Variants in TTC7A observed in about 807,000 individuals in gnomAD.
TTC7A encodes tetratricopeptide repeat domain 7A, also known as tetratricopeptide repeat protein 7A.
Under a neutral mutation model 103.7 loss-of-function variants are expected in TTC7A, and 110 were observed. The observed-to-expected ratio is 1.06, with a 90% confidence interval of 0.91 to 1.24. The LOEUF is 1.24. TTC7A is among the 50% of genes most tolerant of loss of function. The pLI is 0.00. For synonymous variants in TTC7A, 521 were observed against 467.9 expected (o/e 1.11, Z -1.47); for missense variants, 1,340 against 1,116.3 (o/e 1.20, Z -2.86).
At chr2:46,967,418 C>T (rs1249373752) in intron 3 of TTC7A, among the ~76,000 whole-genome samples, 2 of 152,148 alleles carry the variant, frequency 1.3e-5, no homozygotes, top group Non-Finnish European at 2.9e-5. Context: ...CCCATTCCCT[C>T]CTCCCCTAAC....
Position 47,027,001 on chromosome 2 carries a change from G to T in TTC7A, c.1642-2223G>T, listed in dbSNP as rs531120257. On this transcript the variant is annotated intron_variant, in intron 14 of 19. Transcript: ENST00000319190. ...CGCGTGAACATGTTCAGAGGGGAGG[G>T]CCTCGTCAGCCCTGGGTATGTAGCT... Among the ~76,000 whole-genome samples the T allele has an allele frequency of 4.1e-3, 628 of 152,254 alleles. 4 individuals carry two copies. Among genetic ancestry groups the T allele is most frequent in the African/African-American group, 0.015 (617 of 41,550 alleles).
At chr2:46,992,705 C>T (rs1330790466) in intron 5 of TTC7A, among the ~76,000 whole-genome samples, 1 of 152,198 alleles carries the variant, frequency 6.6e-6, no homozygotes, top group Non-Finnish European at 1.5e-5. Context: ...ACATTGTGGG[C>T]CACAGCCTGT....
At chr2:47,063,274 A>G (rs572711631) in intron 19 of TTC7A, among the ~76,000 whole-genome samples, 121 of 152,322 alleles carry the variant, frequency 7.9e-4, no homozygotes, top group African/African-American at 2.8e-3. Context: ...GTGTTGTTCT[A>G]ATCAAATGAG....
At chr2:46,946,983 CCTT>C (rs1310230287) in intron 1 of TTC7A, among the ~76,000 whole-genome samples, 1 of 152,096 alleles carries the variant, frequency 6.6e-6, no homozygotes, top group African/African-American at 2.4e-5. Context: ...AGGCAGAAAG[CCTT>C]CTGTGAAGGA....
intron 3 of TTC7A, among the ~76,000 whole-genome samples, chr2:46,963,046 G>A (rs1410276113): frequency 6.6e-6 from 1 of 152,238 alleles, no homozygotes; most frequent in Non-Finnish European, 1.5e-5. Context: ...TCAGCAGCAG[G>A]CCTCAGGGCT....
chr2:46,920,380 A>T (rs759683180), intron 2 of TTC7A, among the ~76,000 whole-genome samples: 1 of 152,006 alleles, frequency 6.6e-6, no homozygotes, highest in Non-Finnish European at 1.5e-5. Flanking sequence ...CCCAGGCTGG[A>T]GTACAGTGGC....
intron 11 of TTC7A, among the ~76,000 whole-genome samples, chr2:47,019,373 T>TA (rs1558584922): frequency 3.3e-5 from 5 of 151,730 alleles, no homozygotes; most frequent in African/African-American, 4.9e-5. Flanking sequence ...TTTTCTATTT[T>TA]TAAAAAAAAA....
intron 16 of TTC7A, among the ~76,000 whole-genome samples, chr2:47,048,904 GTC>G (rs1682589632): frequency 6.6e-6 from 1 of 152,170 alleles, no homozygotes; most frequent in Admixed American, 6.5e-5. Context: ...TGCCTGGCCT[GTC>G]TCTGGCTTTT....
chr2:47,073,548 A>C (rs531916184), intron 19 of TTC7A, among the ~76,000 whole-genome samples, 154 bp from the exon 20 acceptor site: 1 of 152,196 alleles, frequency 6.6e-6, no homozygotes, highest in South Asian at 2.1e-4. Flanking sequence ...TGTATGGGGA[A>C]AGGCACAGTC....
chr2:46,947,236 A>G (rs529039256), intron 1 of TTC7A, among the ~76,000 whole-genome samples: 48 of 152,284 alleles, frequency 3.2e-4, no homozygotes, highest in Non-Finnish European at 6.9e-4. Context: ...ACAATATTGC[A>G]TATCTTTATT....
At chr2:46,983,289 G>A (rs1278985766) in intron 5 of TTC7A, among the ~76,000 whole-genome samples, 1 of 152,220 alleles carries the variant, frequency 6.6e-6, no homozygotes, top group Non-Finnish European at 1.5e-5. Context: ...ACGGCCCGGG[G>A]CACTGAGAAG....
intron 4 of TTC7A, among the ~76,000 whole-genome samples, chr2:46,978,445 G>T (rs1674093706): frequency 6.6e-6 from 1 of 152,134 alleles, no homozygotes; most frequent in East Asian, 1.9e-4. Flanking sequence ...GAATGTTAGG[G>T]GCTTAGTGCA....
At chr2:47,014,737 G>A (rs528646283) in intron 11 of TTC7A, among the ~76,000 whole-genome samples, 3 of 152,390 alleles carry the variant, frequency 2.0e-5, no homozygotes, top group East Asian at 1.9e-4. Flanking sequence ...CAAGCCCCAT[G>A]AGCAGGGGAC....
chr2:47,000,355 C>T (rs1373340793), intron 8 of TTC7A, among the ~76,000 whole-genome samples: 2 of 152,190 alleles, frequency 1.3e-5, no homozygotes, highest in East Asian at 3.9e-4. Flanking sequence ...TGTTCTAACA[C>T]AAGGCCCTGC....
chr2:47,064,754 T>G (rs948747575), intron 19 of TTC7A, among the ~76,000 whole-genome samples: 2 of 152,126 alleles, frequency 1.3e-5, no homozygotes, highest in African/African-American at 2.4e-5. Flanking sequence ...CTGACCTTCA[T>G]GGTGGGAGGG....
upstream of TTC7A, among the ~76,000 whole-genome samples, chr2:46,938,572 G>C (rs1670094513): frequency 6.6e-6 from 1 of 152,032 alleles, no homozygotes; most frequent in African/African-American, 2.4e-5. Flanking sequence ...TAGTCCCTGA[G>C]GCCCTTCCTA....
chr2:46,992,187 C>A (rs1000467336), intron 5 of TTC7A, among the ~76,000 whole-genome samples: 7 of 152,216 alleles, frequency 4.6e-5, no homozygotes, highest in African/African-American at 1.7e-4. Context: ...ATGAGCAGGG[C>A]AGCCCTTACA....
intron 8 of TTC7A, chr2:46,999,588 A>C: frequency 3.0e-6 from 3 of 985,470 alleles, no homozygotes; most frequent in Non-Finnish European, 3.6e-6. Context: ...TGCAGTTTGT[A>C]CCCAGGGATG....
At position 46,986,018 on chromosome 2, in the gene TTC7A, A is replaced by G. The variant is rs1674973398; in HGVS notation, c.764+7111A>G. On this transcript the variant is annotated intron_variant, in intron 5 of 19. Coordinates refer to ENST00000319190, the MANE Select transcript of TTC7A (RefSeq NM_020458.4). Reference sequence around the variant, plus strand: ...ACCATCCCCCCACTCGCCCTGGCCAAGTGTGACACCTGGAAATGGCTCCAG... The same window carrying G: ...ACCATCCCCCCACTCGCCCTGGCCAGGTGTGACACCTGGAAATGGCTCCAG... Among the ~76,000 whole-genome samples, 6 of 152,256 alleles carry G rather than the reference A, an allele frequency of 3.9e-5. No individual in the cohort carries two copies. The South Asian group carries it at 1.0e-3, about 26-fold the overall frequency.
Sources: allele counts gnomAD v4.1 joint callset (sites outside exome capture counted in the v4.1 genomes callset), GRCh38; gene constraint gnomAD v4.1.1; transcripts MANE v1.5; gene names NCBI Gene and HGNC (gene_info 2026-07-23, HGNC 2026-07-21).